The following BMP2K variants were observed in gnomAD, a reference collection of about 807,000 sequenced individuals.
BMP2K encodes BMP-2-inducible protein kinase.
A neutral mutation model predicts 116.0 loss-of-function variants in BMP2K; 74 were observed. That is an observed-to-expected ratio of 0.64 (90% confidence interval 0.53 to 0.77). BMP2K has a LOEUF of 0.77. BMP2K is among the 30% of genes least tolerant of loss of function. BMP2K has a pLI of 0.00. For synonymous variants in BMP2K, 486 were observed against 502.5 expected, an observed-to-expected ratio of 0.97 and a Z score of 0.44; for missense variants, 1,365 against 1,403.6, an observed-to-expected ratio of 0.97 and a Z score of 0.44.
intron 7 of BMP2K, among the ~76,000 whole-genome samples, chr4:78,854,661 A>G (rs1356773605): frequency 3.3e-5 from 5 of 152,108 alleles, no homozygotes; most frequent in African/African-American, 1.2e-4. Context: ...CTGGTACTAC[A>G]CGTGTGAGCC....
chr4:78,841,609 T>C (rs1047272796), intron 3 of BMP2K, among the ~76,000 whole-genome samples: 1 of 152,132 alleles, frequency 6.6e-6, no homozygotes, highest in Non-Finnish European at 1.5e-5. Flanking sequence ...TTTCTTTGGC[T>C]CTTGAGATAG....
chr4:78,823,512 A>G (rs1407513678), intron 1 of BMP2K, among the ~76,000 whole-genome samples: 1 of 147,716 alleles, frequency 6.8e-6, no homozygotes, highest in South Asian at 2.1e-4. Flanking sequence ...AGTTATATAT[A>G]GTTATATATA....
Position 78,818,673 on chromosome 4 carries a change from T to C in BMP2K, c.179-7364T>C, listed in dbSNP as rs542146687. Among the ~76,000 whole-genome samples the C allele has an allele frequency of 2.6e-5, 4 of 152,350 alleles. No individual in the cohort carries two copies. The South Asian group carries it at 6.2e-4, about 24-fold the overall frequency. On this transcript the variant is annotated intron_variant, in intron 1 of 15. Transcript: ENST00000502613. ...TTGGGCATGGTTAAGCAGTTAAGTA[T>C]AGTCTCCTTGAATTTTACTGTGTTT... is the stretch of plus-strand genomic sequence containing the variant.
intron 15 of BMP2K, among the ~76,000 whole-genome samples, chr4:78,902,910 G>A (rs1478880901): frequency 6.6e-6 from 1 of 152,040 alleles, no homozygotes; most frequent in East Asian, 1.9e-4. Context: ...GTTTAAAATA[G>A]TGTGGCATTA....
Position 78,871,985 on chromosome 4 carries a change from A to T in BMP2K, c.1608+37A>T, listed in dbSNP as rs193230268. On this transcript the variant is annotated intron_variant, in intron 12 of 15. Transcript: ENST00000502613. ...AATTTCTAGAGATTTCTCTGAGTATACATTATGGTGTTGGAATTCACAGTA... is the reference window on the plus strand; with the variant it reads ...AATTTCTAGAGATTTCTCTGAGTATTCATTATGGTGTTGGAATTCACAGTA... 653 of 1,414,024 alleles carry T rather than the reference A, an allele frequency of 4.6e-4. 1 individual carries two copies. Among genetic ancestry groups the T allele is most frequent in the Admixed American group, 2.2e-3 (117 of 53,136 alleles). The allele number at this position is 1,414,024 out of a possible 1,614,324, so 87.6% of individuals were successfully genotyped here. A position where few individuals can be genotyped will look rare whatever the true frequency, so the allele number is the denominator to read the frequency against.
At chr4:78,782,702 A>G (rs1727562788) in intron 1 of BMP2K, among the ~76,000 whole-genome samples, 2 of 152,144 alleles carry the variant, frequency 1.3e-5, no homozygotes, top group Admixed American at 6.5e-5. Context: ...TTGACATTGT[A>G]TTTTTATTTA....
chr4:78,805,850 A>G (rs1728792559), intron 1 of BMP2K, among the ~76,000 whole-genome samples: 1 of 152,118 alleles, frequency 6.6e-6, no homozygotes, highest in Non-Finnish European at 1.5e-5. Context: ...GGGCGTTTGT[A>G]GTTCCAGCTA....
At chr4:78,848,278 T>C (rs969487508) in intron 6 of BMP2K, among the ~76,000 whole-genome samples, 4 of 151,640 alleles carry the variant, frequency 2.6e-5, no homozygotes, top group African/African-American at 9.7e-5. Flanking sequence ...AAAATAAGTT[T>C]ATTAATTTGG....
rs567645033 is a variant in BMP2K, at chr4:78,810,872, AT to A, written c.179-15161del. ...AATTTCTAGGGTTGTGAAAAAGTTGATTTTGACAATTTTTGCCAGTATCCTC... is the reference window on the plus strand; with the variant it reads ...AATTTCTAGGGTTGTGAAAAAGTTGATTTGACAATTTTTGCCAGTATCCTC... On this transcript the variant is annotated intron_variant, in intron 1 of 15. Transcript: ENST00000502613. Among the ~76,000 whole-genome samples the A allele has an allele frequency of 1.3e-3, 192 of 152,270 alleles. 6 individuals are homozygous for A. In the South Asian group the frequency reaches 0.024, roughly 19 times the overall value.
At chr4:78,803,441 G>T (rs1728669265) in intron 1 of BMP2K, among the ~76,000 whole-genome samples, 1 of 152,194 alleles carries the variant, frequency 6.6e-6, no homozygotes, top group South Asian at 2.1e-4. Context: ...TGTCACCCAG[G>T]ATGTAGTGCA....
intron 3 of BMP2K, 130 bp from the exon 4 acceptor site, chr4:78,842,255 G>A (rs1394670979): frequency 3.0e-6 from 2 of 660,268 alleles, no homozygotes; most frequent in African/African-American, 3.6e-5. Flanking sequence ...GATGTAATAA[G>A]CATCCTTACA....
At chr4:78,831,120 G>A (rs886438062) in intron 2 of BMP2K, among the ~76,000 whole-genome samples, 2 of 152,196 alleles carry the variant, frequency 1.3e-5, no homozygotes, top group Admixed American at 1.3e-4. Context: ...TATGACAGAG[G>A]GAACCCCAAG....
At chr4:78,879,000 C>A (rs1246977989) in intron 14 of BMP2K, 109 bp downstream of exon 14, 2 of 1,501,660 alleles carry the variant, frequency 1.3e-6, no homozygotes, top group Non-Finnish European at 1.8e-6. Flanking sequence ...TCTTTTTGTG[C>A]ATTTGAGGGC....
chr4:78,851,130 T>C, intron 7 of BMP2K, 74 bp downstream of exon 7: 1 of 1,314,266 alleles, frequency 7.6e-7, no homozygotes, highest in Admixed American at 3.0e-5. Context: ...ATTCCTTTAC[T>C]TAAATCTAGT....
intron 2 of BMP2K, among the ~76,000 whole-genome samples, chr4:78,830,057 A>G (rs1444084734): frequency 6.6e-6 from 1 of 151,748 alleles, no homozygotes; most frequent in Non-Finnish European, 1.5e-5. Flanking sequence ...TTGTATTTTT[A>G]GTAGAGTCGG....
Position 78,878,916 on chromosome 4 carries a change from T to G in BMP2K, c.1951+25T>G, listed in dbSNP as rs1293243571. The G allele has an allele frequency of 3.8e-6, 6 of 1,594,774 alleles. No individual in the cohort carries two copies. In the African/African-American group the frequency reaches 8.2e-5, roughly 22 times the overall value. On this transcript the variant is annotated intron_variant, in intron 14 of 15. Coordinates refer to ENST00000502613, the MANE Select transcript of BMP2K (RefSeq NM_198892.2). The stretch of plus-strand genomic sequence containing the variant: ...AGTAAGGGACACTTGAAGGCTTATT[T>G]TGCTTCACAGTAAAATAACAGCTCT...
At chr4:78,882,098 A>G (rs1732902560) in intron 14 of BMP2K, among the ~76,000 whole-genome samples, 1 of 151,962 alleles carries the variant, frequency 6.6e-6, no homozygotes, top group South Asian at 2.1e-4. Context: ...TTTGAATATG[A>G]TTCATGGTTA....
intron 14 of BMP2K, among the ~76,000 whole-genome samples, chr4:78,882,371 C>A (rs753891190): frequency 6.6e-6 from 1 of 151,436 alleles, no homozygotes; most frequent in Non-Finnish European, 1.5e-5. Flanking sequence ...TTTACCTGTT[C>A]TTAATTTTAG....
Position 78,865,687 on chromosome 4 carries a change from G to T in BMP2K, c.1198G>T (p.Ala400Ser). ...QSSATPVKVLAPGEFGNHRPK... is the reference protein window; with the variant it reads ...QSSATPVKVLSPGEFGNHRPK... ...TTCAGCAACACCTGTTAAAGTCCTT[G>T]CTCCTGGTGAATTCGGTAACCATAG... Residue 400 changes from alanine to serine, a missense_variant, in exon 10 of 16, where the codon GCT becomes TCT. Around this residue, in one of 3 missense-constraint regions of BMP2K, gnomAD observed 762 missense variants for 756.7 expected, o/e 1.01. Transcript: ENST00000502613. 1 of 1,614,036 alleles carries T rather than the reference G, an allele frequency of 6.2e-7. No individual in the cohort carries two copies. The highest frequency in any genetic ancestry group is 1.1e-5 in the South Asian group (1 of 91,078).
Sources: allele counts gnomAD v4.1 joint callset (sites outside exome capture counted in the v4.1 genomes callset), GRCh38; gene constraint gnomAD v4.1.1; regional missense constraint gnomAD v4.1.1; transcripts MANE v1.5; gene names NCBI Gene and HGNC (gene_info 2026-07-23, HGNC 2026-07-21).